Variants in MAF observed in about 807,000 individuals in gnomAD.
The protein encoded by MAF is MAF bZIP transcription factor.
A neutral mutation model predicts 22.0 loss-of-function variants in MAF; 10 were observed. That is an observed-to-expected ratio of 0.45 (90% confidence interval 0.28 to 0.77). The LOEUF is 0.77. Ranked by LOEUF, MAF falls within the 30% of genes least tolerant of loss-of-function variation. MAF has a pLI of 0.12. For missense variants in MAF, 544 were observed against 548.4 expected (o/e 0.99, Z 0.08); for synonymous variants, 337 against 255.8 (o/e 1.32, Z -3.03).
At chr16:79,503,669 T>C in the MAF span, among the ~76,000 whole-genome samples, 6 of 152,172 alleles carry the variant, frequency 3.9e-5, no homozygotes, top group African/African-American at 1.4e-4. Flanking sequence ...TTAGTTTTCT[T>C]GGACAAGAAA....
At chr16:79,495,290 C>T in the MAF span, among the ~76,000 whole-genome samples, 2 of 152,010 alleles carry the variant, frequency 1.3e-5, no homozygotes, top group Admixed American at 6.6e-5. Context: ...AGTGAGACCC[C>T]ATCCCTAAAA....
At chr16:79,225,463 T>C in the MAF span, among the ~76,000 whole-genome samples, 2 of 152,054 alleles carry the variant, frequency 1.3e-5, no homozygotes, top group African/African-American at 4.8e-5. Flanking sequence ...CAAAGACATA[T>C]GGGCAAAGAC....
the MAF span, among the ~76,000 whole-genome samples, chr16:79,210,580 C>A: frequency 3.0e-4 from 45 of 152,294 alleles, no homozygotes; most frequent in African/African-American, 1.1e-3. Context: ...TCCCTCTCAT[C>A]AGCTGAAAAT....
At chr16:79,215,212 T>C in the MAF span, among the ~76,000 whole-genome samples, 1 of 152,204 alleles carries the variant, frequency 6.6e-6, no homozygotes, top group East Asian at 1.9e-4. Flanking sequence ...GCTCCTTCCA[T>C]AAGTTGACTA....
the MAF span, among the ~76,000 whole-genome samples, chr16:79,419,693 T>A: frequency 6.6e-6 from 1 of 152,166 alleles, no homozygotes; most frequent in Non-Finnish European, 1.5e-5. Flanking sequence ...GAGATTTTCA[T>A]CACAGATGCC....
At chr16:79,299,935 G>C in the MAF span, among the ~76,000 whole-genome samples, 1 of 152,186 alleles carries the variant, frequency 6.6e-6, no homozygotes, top group African/African-American at 2.4e-5. Flanking sequence ...AGGGCTTTCT[G>C]ACCCATTGTC....
At chr16:79,474,220 G>T in the MAF span, among the ~76,000 whole-genome samples, 1 of 152,166 alleles carries the variant, frequency 6.6e-6, no homozygotes, top group Non-Finnish European at 1.5e-5. Flanking sequence ...TCTCTACATG[G>T]CATAGAAGAA....
At chr16:79,516,430 C>G in the MAF span, 9 of 152,232 alleles carry the variant, frequency 5.9e-5, 1 homozygote, top group South Asian at 4.1e-4. Flanking sequence ...TTAAAATTTC[C>G]TTAGAACAAG....
chr16:79,254,489 T>C, the MAF span, among the ~76,000 whole-genome samples: 35 of 152,342 alleles, frequency 2.3e-4, no homozygotes, highest in African/African-American at 7.9e-4. Context: ...TCTTTGTGAA[T>C]ACATGATTTT....
the MAF span, among the ~76,000 whole-genome samples, chr16:79,303,874 A>C: frequency 6.6e-6 from 1 of 152,208 alleles, no homozygotes; most frequent in South Asian, 2.1e-4. Context: ...TATACCAGAA[A>C]GTCAAATCAA....
the MAF span, among the ~76,000 whole-genome samples, chr16:79,280,590 G>A: frequency 2.0e-5 from 3 of 152,182 alleles, no homozygotes; most frequent in African/African-American, 7.2e-5. Context: ...GCTGCTTGAA[G>A]CAAGGACCAA....
chr16:79,242,474 T>C, the MAF span, among the ~76,000 whole-genome samples: 1 of 151,572 alleles, frequency 6.6e-6, no homozygotes, highest in African/African-American at 2.4e-5. Flanking sequence ...TACATAATAC[T>C]AAAGGGATCA....
chr16:79,384,574 G>A, the MAF span, among the ~76,000 whole-genome samples: 1 of 151,812 alleles, frequency 6.6e-6, no homozygotes, highest in Non-Finnish European at 1.5e-5. Flanking sequence ...TGGCTAACAC[G>A]GTGAAACCCT....
the MAF span, among the ~76,000 whole-genome samples, chr16:79,451,872 T>A: frequency 6.6e-6 from 1 of 152,214 alleles, no homozygotes; most frequent in Non-Finnish European, 1.5e-5. Context: ...GCCATACAAC[T>A]ATATTCATTT....
chr16:79,451,235 A>C, the MAF span, among the ~76,000 whole-genome samples: 2 of 152,230 alleles, frequency 1.3e-5, no homozygotes, highest in Non-Finnish European at 2.9e-5. Context: ...CTAACTGGAA[A>C]AGGGTTAGCT....
At chr16:79,465,763 C>G in the MAF span, among the ~76,000 whole-genome samples, 1 of 152,116 alleles carries the variant, frequency 6.6e-6, no homozygotes, top group African/African-American at 2.4e-5. Flanking sequence ...AATATCCTCT[C>G]CAGCAAAGAG....
the MAF span, among the ~76,000 whole-genome samples, chr16:79,295,761 G>T: frequency 1.3e-5 from 2 of 152,186 alleles, no homozygotes; most frequent in African/African-American, 4.8e-5. Context: ...TGTGTGTCAG[G>T]CACAGTGGTA....
the MAF span, among the ~76,000 whole-genome samples, chr16:79,209,354 G>T: frequency 1.3e-5 from 2 of 152,212 alleles, no homozygotes; most frequent in Non-Finnish European, 2.9e-5. Flanking sequence ...TATCATTACA[G>T]TAGGTCATAG....
At position 79,594,203 on chromosome 16, in the gene MAF, G is replaced by A. The variant is rs1913360726; in HGVS notation, c.*257C>T. 2.2e-6 allele frequency: 1 copy of A among 464,576 alleles called. No individual in the cohort carries two copies. The highest frequency in any genetic ancestry group is 3.9e-6 in the Non-Finnish European group (1 of 255,778). The allele number at this position is 464,576 out of a possible 1,614,324, so 28.8% of individuals were successfully genotyped here. On this transcript the variant is annotated 3_prime_UTR_variant, in exon 2 of 2. Coordinates refer to ENST00000326043, the MANE Select transcript of MAF (RefSeq NM_005360.5). The stretch of plus-strand genomic sequence containing the variant: ...TTCAGTGAATTTTTAAAACTAGTAT[G>A]GCAGGTTGAAAGCAATGCACCTGTT...
Sources: gnomAD v4.1 joint callset for allele counts (sites outside exome capture counted in the v4.1 genomes callset) on GRCh38, gnomAD v4.1.1 for gene constraint, MANE v1.5 for transcripts, NCBI Gene and HGNC (gene_info 2026-07-23, HGNC 2026-07-21) for gene names.